ABHD2: variants seen among roughly 807,000 people sequenced by gnomAD.
The protein encoded by ABHD2 is abhydrolase domain containing 2, acylglycerol lipase, also known as monoacylglycerol lipase ABHD2.
In ABHD2, 20 loss-of-function variants were observed where a neutral mutation model predicts 48.1. The ratio of observed to expected loss-of-function variants is 0.42; its 90% CI spans 0.29 to 0.60. The LOEUF (loss-of-function observed/expected upper bound fraction) is 0.60. Among genes scored for constraint, ABHD2 ranks in the 20% least tolerant of loss-of-function variants. The probability of loss-of-function intolerance (pLI) is 0.24; values close to 1 mark genes in which losing one functional copy is unlikely to be tolerated. For synonymous variants in ABHD2, 209 were observed against 214.2 expected (o/e 0.98, Z 0.21); for missense variants, 405 against 550.9 (o/e 0.74, Z 2.65).
chr15:89,193,588 T>C (rs1435391408), intron 10 of ABHD2: 1 of 476,762 alleles, frequency 2.1e-6, no homozygotes, highest in East Asian at 3.4e-5. Flanking sequence ...TCACTTGAGG[T>C]TCTATGAGAT....
Position 89,201,747 on chromosome 15 carries a change from G to C in ABHD2, c.*6324G>C, listed in dbSNP as rs545803684. On this transcript the variant is annotated 3_prime_UTR_variant, in exon 11 of 11. Coordinates refer to ENST00000352732, the MANE Select transcript of ABHD2 (RefSeq NM_152924.5). ...GCCTTTGAATTTGAGGTCTATGGGC[G>C]GGTCGAGGACCAGGATCTGCTCGTG... The C allele has an allele frequency of 6.4e-7, 1 of 1,564,530 alleles. No homozygotes were observed. The highest frequency in any genetic ancestry group is 8.8e-7 in the Non-Finnish European group (1 of 1,135,458).
rs79514295 is a variant in ABHD2 at position 89,174,086 on chromosome 15, G to A, written c.539-1726G>A. ...CTTCATCTGGGCAATGCTTACCTGG[G>A]TATAAATGTGTAAAATTTCATTGAT... On this transcript the variant is annotated intron_variant, in intron 5 of 10. Transcript: ENST00000352732. This position sits in a 1 kb window ranked among gnomAD's most constrained non-coding sequence, Gnocchi z 4.1. 0.018 allele frequency among the ~76,000 whole-genome samples: 2,745 copies of A among 152,126 alleles called. 73 individuals are homozygous for A. The highest frequency in any genetic ancestry group is 0.062 in the African/African-American group (2,589 of 41,472).
chr15:89,068,670 G>C, the ABHD2 span, among the ~76,000 whole-genome samples: 2 of 149,624 alleles, frequency 1.3e-5, no homozygotes, highest in Non-Finnish European at 3.0e-5. Context: ...AGAAGTCACA[G>C]AGCACCATAT....
At chr15:89,149,717 G>C (rs2050560027) in intron 3 of ABHD2, among the ~76,000 whole-genome samples, 1 of 152,240 alleles carries the variant, frequency 6.6e-6, no homozygotes, top group African/African-American at 2.4e-5. Context: ...AGACTCCTCA[G>C]ATAAAAGTAG....
At chr15:89,046,112 G>T in the ABHD2 span, among the ~76,000 whole-genome samples, 2 of 152,146 alleles carry the variant, frequency 1.3e-5, no homozygotes, top group African/African-American at 4.8e-5. Flanking sequence ...ATGAAGATTT[G>T]TTGAATTTTG....
Position 89,175,705 on chromosome 15 carries a change from C to A in ABHD2, c.539-107C>A. The A allele has an allele frequency of 2.6e-6, 3 of 1,174,466 alleles. No homozygotes were observed. The highest frequency in any genetic ancestry group is 2.5e-5 in the South Asian group (2 of 78,764). 72.8% of individuals were successfully genotyped at this position (1,174,466 alleles called of 1,614,324 possible). ...CACGTATATATACACATATATATTTCTCTCTCTTTTAGTATACTGGCACCC... is the reference window on the plus strand; with the variant it reads ...CACGTATATATACACATATATATTTATCTCTCTTTTAGTATACTGGCACCC... On this transcript the variant is annotated intron_variant, in intron 5 of 10. Transcript: ENST00000352732. This position sits in a 1 kb window ranked among gnomAD's most constrained non-coding sequence, Gnocchi z 5.7.
chr15:89,140,698 G>A (rs8026267), intron 3 of ABHD2, among the ~76,000 whole-genome samples: 54,810 of 151,930 alleles, frequency 0.36, 10,559 homozygotes, highest in Non-Finnish European at 0.44. Context: ...GGAGCCTCAC[G>A]TCACCTCTGC....
chr15:89,184,418 C>T lies in ABHD2; in HGVS notation c.723-1006C>T, dbSNP rs539655754. On this transcript the variant is annotated intron_variant, in intron 6 of 10. Transcript: ENST00000352732. This position sits in a 1 kb window ranked among gnomAD's most constrained non-coding sequence, Gnocchi z 5.1. ...CTAGTAGAAGTAGTGACGTCCAGAT[C>T]CATTCACAGGGTGGAGTCAGGCCTG... Among the ~76,000 whole-genome samples the T allele has an allele frequency of 7.9e-5, 12 of 152,304 alleles. No homozygotes were observed. The East Asian group carries it at 1.7e-3, about 22-fold the overall frequency.
At chr15:89,108,618 G>GC (rs2049824406) in intron 1 of ABHD2, among the ~76,000 whole-genome samples, 1 of 152,210 alleles carries the variant, frequency 6.6e-6, no homozygotes, top group South Asian at 2.1e-4. Flanking sequence ...GTTTGTTCGT[G>GC]CTTTCCGCAC....
At chr15:89,059,417 G>C in the ABHD2 span, among the ~76,000 whole-genome samples, 2 of 152,140 alleles carry the variant, frequency 1.3e-5, no homozygotes, top group Non-Finnish European at 2.9e-5. Context: ...ATTACTTCCT[G>C]TTCCAATTTT....
Position 89,106,572 on chromosome 15 carries a change from C to T in ABHD2, c.-106-7153C>T, listed in dbSNP as rs928739647. Among the ~76,000 whole-genome samples the T allele has an allele frequency of 2.6e-5, 4 of 152,180 alleles. No homozygotes were observed. Among genetic ancestry groups the T allele is most frequent in the African/African-American group, 9.7e-5 (4 of 41,444 alleles). On this transcript the variant is annotated intron_variant, in intron 1 of 10. Transcript: ENST00000352732. This position sits in a 1 kb window ranked among gnomAD's most constrained non-coding sequence, Gnocchi z 4.2. Reference sequence around the variant, plus strand: ...AGACTCAGAGGACACAAAGGCACAACTCAGACGGGGATGGCTAGGCCTTCT... The same window carrying T: ...AGACTCAGAGGACACAAAGGCACAATTCAGACGGGGATGGCTAGGCCTTCT...
chr15:89,058,078 A>G, the ABHD2 span, among the ~76,000 whole-genome samples: 135,685 of 152,198 alleles, frequency 0.89, 60,602 homozygotes, highest in South Asian at 0.96. Flanking sequence ...AGTCAAGCTG[A>G]TAAACCCTTA....
Position 89,195,498 on chromosome 15 carries a change from C to T in ABHD2, c.*75C>T. 1 of 1,488,586 alleles carries T rather than the reference C, an allele frequency of 6.7e-7. No individual in the cohort carries two copies. Among genetic ancestry groups the T allele is most frequent in the Non-Finnish European group, 9.0e-7 (1 of 1,107,642 alleles). 92.2% of individuals were successfully genotyped at this position (1,488,586 alleles called of 1,614,324 possible). ...CCCCTCACCCCCTGTTTCAGGTCTC[C>T]CATCTCCCTCAGTGACCTGGATCTG... On this transcript the variant is annotated 3_prime_UTR_variant, in exon 11 of 11. Coordinates refer to ENST00000352732, the MANE Select transcript of ABHD2 (RefSeq NM_152924.5). This position sits in a 1 kb window ranked among gnomAD's most constrained non-coding sequence, Gnocchi z 5.1.
At chr15:89,121,376 A>C (rs1161068927) in intron 3 of ABHD2, among the ~76,000 whole-genome samples, 1 of 151,588 alleles carries the variant, frequency 6.6e-6, no homozygotes, top group Non-Finnish European at 1.5e-5. Flanking sequence ...GGGTAAAGAG[A>C]CTGGTTTTCT....
chr15:89,043,624 G>A, the ABHD2 span, among the ~76,000 whole-genome samples: 1 of 139,202 alleles, frequency 7.2e-6, no homozygotes, highest in Non-Finnish European at 1.6e-5. Flanking sequence ...CGAGGAGGCG[G>A]AAGGAGGAGG....
At chr15:89,124,875 G>A (rs2050107175) in intron 3 of ABHD2, among the ~76,000 whole-genome samples, 1 of 152,178 alleles carries the variant, frequency 6.6e-6, no homozygotes, top group Non-Finnish European at 1.5e-5. Context: ...GATCACCTGA[G>A]GTCAGGAGTT....
intron 5 of ABHD2, among the ~76,000 whole-genome samples, chr15:89,163,488 G>A (rs2050792847): frequency 1.3e-5 from 2 of 152,216 alleles, no homozygotes; most frequent in South Asian, 4.1e-4. Flanking sequence ...CTCAGAGGTA[G>A]GTTTTAATTA....
intron 1 of ABHD2, among the ~76,000 whole-genome samples, chr15:89,113,136 T>G (rs547809944): frequency 6.6e-6 from 1 of 152,330 alleles, no homozygotes; most frequent in African/African-American, 2.4e-5. Context: ...CAAGCACTTT[T>G]AGCTTCTGGC....
the ABHD2 span, among the ~76,000 whole-genome samples, chr15:89,054,645 A>G: frequency 0.17 from 26,405 of 151,690 alleles, 2,432 homozygotes; most frequent in Admixed American, 0.19. Flanking sequence ...GTGCCACTGT[A>G]CTCTAGCCTG....
Sources: gnomAD v4.1 joint callset for allele counts (sites outside exome capture counted in the v4.1 genomes callset) on GRCh38, gnomAD v4.1.1 for gene constraint, Gnocchi (gnomAD v3.1) non-coding constraint, MANE v1.5 for transcripts, NCBI Gene and HGNC (gene_info 2026-07-23, HGNC 2026-07-21) for gene names.